FAM217A: variants seen among roughly 807,000 people sequenced by gnomAD.
The protein encoded by FAM217A is protein FAM217A.
In FAM217A, 13 loss-of-function variants were observed where a neutral mutation model predicts 18.5. The observed-to-expected ratio is 0.70, with a 90% confidence interval of 0.46 to 1.12. The LOEUF (loss-of-function observed/expected upper bound fraction) is 1.12. FAM217A is among the 50% of genes most tolerant of loss of function. FAM217A has a pLI of 0.00. For missense variants in FAM217A, 560 were observed against 575.4 expected, an observed-to-expected ratio of 0.97 and a Z score of 0.27; for synonymous variants, 161 against 202.8, an observed-to-expected ratio of 0.79 and a Z score of 1.75.
At chr6:4,072,999 C>T (rs1769528782) in intron 6 of FAM217A, among the ~76,000 whole-genome samples, 1 of 152,156 alleles carries the variant, frequency 6.6e-6, no homozygotes, top group African/African-American at 2.4e-5. Context: ...TTTCCTATTA[C>T]AGTTCCTTTT....
upstream of FAM217A, among the ~76,000 whole-genome samples, chr6:4,083,130 ATTTCAGGCAT>A (rs1367205769): frequency 1.3e-5 from 2 of 152,158 alleles, no homozygotes; most frequent in Non-Finnish European, 2.9e-5. Flanking sequence ...GATGCTCTCT[ATTTCAGGCAT>A]TTAGCAAGCT....
chr6:4,081,905 T>G (rs79572450), upstream of FAM217A, among the ~76,000 whole-genome samples: 255 of 152,372 alleles, frequency 1.7e-3, 6 homozygotes, highest in East Asian at 0.045. Context: ...TTCTGTTATT[T>G]CAGAACTCAA....
intron 6 of FAM217A, among the ~76,000 whole-genome samples, chr6:4,072,701 G>A (rs759857131): frequency 6.6e-6 from 1 of 151,818 alleles, no homozygotes. Context: ...GGCAGAGGTT[G>A]TGATGAGCTG....
intron 6 of FAM217A, among the ~76,000 whole-genome samples, chr6:4,070,708 GA>G (rs201405567): frequency 0.012 from 1,796 of 152,244 alleles, 42 homozygotes; most frequent in African/African-American, 0.042. Context: ...GAAAAGTTTT[GA>G]AAAATACTTT....
At position 4,069,574 on chromosome 6, in the gene FAM217A, T is replaced by G; in HGVS notation, c.649A>C (p.Ser217Arg). Reference sequence around the variant, plus strand: ...TTCAGGTCCACCTTTTTAAAATAGCTGAGTAAAGTATCATTTGTCTTCTCA... The same window carrying G: ...TTCAGGTCCACCTTTTTAAAATAGCGGAGTAAAGTATCATTTGTCTTCTCA... The part of the protein sequence containing the change: ...ENEKTNDTLL[S>R]YFKKVDLNLK... The change falls in exon 7 of 7, where the codon AGC becomes CGC. Residue 217 changes from serine (S) to arginine (R), a missense_variant. Ser to Arg is a moderately radical substitution (Grantham distance 110, BLOSUM62 -1). Transcript: ENST00000274673. 4 of 1,614,074 alleles carry G rather than the reference T, an allele frequency of 2.5e-6. No homozygotes were observed. The highest frequency in any genetic ancestry group is 3.4e-6 in the Non-Finnish European group (4 of 1,179,994).
chr6:4,072,465 T>TAA lies in FAM217A; in HGVS notation c.302+809_302+810insTT, dbSNP rs1180903461. ...GTATTCCCAGAACTTAAAAAAGTAT[T>TAA]TAAAAAAAAAAAAGCGGCCTGGCAT... On this transcript the variant is annotated intron_variant, in intron 6 of 6. Coordinates refer to ENST00000274673, the MANE Select transcript of FAM217A (RefSeq NM_173563.3). Among the ~76,000 whole-genome samples, 21 of 16,534 alleles carry TAA rather than the reference T, an allele frequency of 1.3e-3. No individual in the cohort carries two copies. In the East Asian group the frequency reaches 0.025, roughly 20 times the overall value. The allele number at this position is 16,534 out of a possible 152,430, so 10.8% of individuals were successfully genotyped here.
upstream of FAM217A, among the ~76,000 whole-genome samples, chr6:4,081,876 T>C (rs1770322468): frequency 6.6e-6 from 1 of 152,274 alleles, no homozygotes; most frequent in African/African-American, 2.4e-5. Context: ...CCTTGCTTTG[T>C]GTTTCTGTTC....
At chr6:4,079,643 C>G (rs1406113645), upstream of FAM217A, 25 of 1,266,446 alleles carry the variant, frequency 2.0e-5, no homozygotes, top group Admixed American at 5.8e-4. Flanking sequence ...ACCCTCCATT[C>G]CCACCGCCTG....
intron 2 of FAM217A, 53 bp downstream of exon 2, chr6:4,077,302 T>A: frequency 6.3e-7 from 1 of 1,589,654 alleles, no homozygotes. Context: ...GAGTTACGTG[T>A]TAGCAACAGG....
At chr6:4,080,186 G>T (rs759134328), upstream of FAM217A, among the ~76,000 whole-genome samples, 3 of 152,116 alleles carry the variant, frequency 2.0e-5, no homozygotes, top group Non-Finnish European at 2.9e-5. Context: ...GGTTTCTCAG[G>T]TTCTTTGATC....
intron 3 of FAM217A, 30 bp downstream of exon 3, chr6:4,074,547 G>T: frequency 6.3e-7 from 1 of 1,584,234 alleles, no homozygotes; most frequent in East Asian, 2.2e-5. Flanking sequence ...GATTCTTTCA[G>T]TATAAGTATA....
intron 6 of FAM217A, among the ~76,000 whole-genome samples, chr6:4,070,650 CTT>C (rs996893801): frequency 5.3e-5 from 8 of 152,162 alleles, no homozygotes; most frequent in African/African-American, 1.9e-4. Flanking sequence ...TTGATATCCT[CTT>C]GTTTCTTTTT....
upstream of FAM217A, chr6:4,079,726 A>C (rs923998047): frequency 4.7e-6 from 5 of 1,064,086 alleles, no homozygotes; most frequent in Admixed American, 1.3e-4. Flanking sequence ...GCATTGATAC[A>C]TGTGAAGTTA....
rs1769267655 is a variant in FAM217A at position 4,069,642 on chromosome 6, C to G, written c.581G>C (p.Ser194Thr). ...PNWNLKHGNS[S>T]VEENFTDESD... ...TTCATCTGTGAAATTTTCTTCCACA[C>G]TGCTGTTTCCATGTTTCAAATTCCA... is the stretch of plus-strand genomic sequence containing the variant. The change falls in exon 7 of 7, where the codon AGT becomes ACT. Residue 194 changes from serine to threonine, a missense_variant. Transcript: ENST00000274673. 1.2e-6 allele frequency: 2 copies of G among 1,614,052 alleles called. No homozygotes were observed. Among genetic ancestry groups the G allele is most frequent in the African/African-American group, 2.7e-5 (2 of 74,928 alleles).
Position 4,078,855 on chromosome 6 carries a change from G to C in FAM217A, c.-38C>G. 2.1e-6 allele frequency: 1 copy of C among 470,434 alleles called. No homozygotes were observed. Among genetic ancestry groups the C allele is most frequent in the South Asian group, 3.4e-5 (1 of 29,246 alleles). 29.1% of individuals were successfully genotyped at this position (470,434 alleles called of 1,614,324 possible). On this transcript the variant is annotated 5_prime_UTR_variant, in exon 1 of 7. Transcript: ENST00000274673. Reference sequence around the variant, plus strand: ...GGGGCCGGGGCTCTCAACCCACCGCGCGAAGGCCCACGTGTCCTCCCCGGC... The same window carrying C: ...GGGGCCGGGGCTCTCAACCCACCGCCCGAAGGCCCACGTGTCCTCCCCGGC...
In FAM217A at chr6:4,077,379, T is replaced by C. The variant is rs751328916; in HGVS notation, c.36A>G (p.Leu12=). ...GRRNENCANS[L]RVSNISQENL... is the part of the protein sequence containing the mutation. ...CCTCCTGAGAGATGTTTGACACACG[T>C]AGGCTGTTAGCACAGTTCTCATTTC... is the stretch of plus-strand genomic sequence containing the variant. The change falls in exon 2 of 7, where the codon CTA becomes CTG. Residue 12 remains leucine, a synonymous_variant. Coordinates refer to ENST00000274673, the MANE Select transcript of FAM217A (RefSeq NM_173563.3). The C allele has an allele frequency of 6.2e-7, 1 of 1,614,204 alleles. No individual in the cohort carries two copies. Among genetic ancestry groups the C allele is most frequent in the Non-Finnish European group, 8.5e-7 (1 of 1,180,024 alleles).
chr6:4,073,400 A>T, intron 5 of FAM217A, 33 bp downstream of exon 5: 2 of 1,585,136 alleles, frequency 1.3e-6, no homozygotes, highest in Non-Finnish European at 1.7e-6. Context: ...TTTAAAATAT[A>T]ATATTTTAAG....
At chr6:4,072,201 C>T (rs189599899) in intron 6 of FAM217A, among the ~76,000 whole-genome samples, 4 of 151,994 alleles carry the variant, frequency 2.6e-5, no homozygotes, top group Admixed American at 2.6e-4. Flanking sequence ...ATTAGCCAGG[C>T]ATGGTGGCGG....
chr6:4,075,733 G>T (rs190397555), intron 2 of FAM217A, among the ~76,000 whole-genome samples: 1 of 152,290 alleles, frequency 6.6e-6, no homozygotes. Context: ...CAAATGAAAT[G>T]TGAGGTATTA....
Sources: gnomAD v4.1 joint callset for allele counts (sites outside exome capture counted in the v4.1 genomes callset) on GRCh38, gnomAD v4.1.1 for gene constraint, MANE v1.5 for transcripts, NCBI Gene and HGNC (gene_info 2026-07-23, HGNC 2026-07-21) for gene names.